DNAJC10: variants seen among roughly 807,000 people sequenced by gnomAD.
DNAJC10 encodes the protein endoplasmic reticulum disulfide reductase DNAJC10.
DNAJC10 carries 101 observed loss-of-function variants against 115.0 expected under a neutral mutation model. The observed-to-expected ratio is 0.88, with a 90% CI of 0.75 to 1.04. The LOEUF (loss-of-function observed/expected upper bound fraction) is 1.04, where lower values mean the gene tolerates loss of function less well. Among genes scored for constraint, DNAJC10 ranks in the 50% least tolerant of loss-of-function variants. The probability of loss-of-function intolerance (pLI) is 0.00; values close to 1 mark genes in which losing one functional copy is unlikely to be tolerated. For missense variants in DNAJC10, 981 were observed against 928.8 expected (o/e 1.06, Z -0.73); for synonymous variants, 307 against 301.5 (o/e 1.02, Z -0.19).
chr2:182,730,972 T>G (rs1443608213), intron 8 of DNAJC10, 58 bp from the exon 9 acceptor site: 3 of 1,163,122 alleles, frequency 2.6e-6, no homozygotes, highest in African/African-American at 3.1e-5. Context: ...GAAGACTGTT[T>G]CCATTAGTAA....
rs543765765 is a variant in DNAJC10 at position 182,781,359 on chromosome 2, A to G, written c.*4227A>G. The stretch of plus-strand genomic sequence containing the variant: ...TTGTGCCCGTTTCTTTATCCAGTCT[A>G]ACATTGATGGGCATTTTGGTTGGTT... On this transcript the variant is annotated 3_prime_UTR_variant, in exon 24 of 24. Coordinates refer to ENST00000264065, the MANE Select transcript of DNAJC10 (RefSeq NM_018981.4). 6 of 152,282 alleles carry G rather than the reference A, an allele frequency of 3.9e-5. No homozygotes were observed. Among genetic ancestry groups the G allele is most frequent in the African/African-American group, 1.4e-4 (6 of 41,548 alleles). 9.4% of individuals were successfully genotyped at this position (152,282 alleles called of 1,614,324 possible). A position where few individuals can be genotyped will look rare whatever the true frequency, so the allele number is the denominator to read the frequency against.
At chr2:182,743,078 C>G (rs529382250) in intron 13 of DNAJC10, among the ~76,000 whole-genome samples, 6 of 152,196 alleles carry the variant, frequency 3.9e-5, no homozygotes, top group Middle Eastern at 3.4e-3. Flanking sequence ...AACTCCTGAC[C>G]TCAGGCAATT....
At chr2:182,742,976 A>G in intron 13 of DNAJC10, among the ~76,000 whole-genome samples, 1 of 151,850 alleles carries the variant, frequency 6.6e-6, no homozygotes, top group East Asian at 1.9e-4. Context: ...CCTCCCAAGT[A>G]GCTGGGACTA....
At chr2:182,739,512 A>G (rs1693677851) in intron 11 of DNAJC10, 2 of 1,190,416 alleles carry the variant, frequency 1.7e-6, no homozygotes, top group African/African-American at 1.6e-5. Flanking sequence ...CATTTTCTTG[A>G]TGTAACCATT....
chr2:182,776,787 G>A (rs1226255419), intron 23 of DNAJC10, among the ~76,000 whole-genome samples: 1 of 152,070 alleles, frequency 6.6e-6, no homozygotes, highest in African/African-American at 2.4e-5. Flanking sequence ...TTTGAAAGGT[G>A]TAACTTTTAT....
At chr2:182,771,969 T>A (rs1574958973) in intron 22 of DNAJC10, among the ~76,000 whole-genome samples, 1 of 152,344 alleles carries the variant, frequency 6.6e-6, no homozygotes, top group African/African-American at 2.4e-5. Context: ...TGCTATAAAT[T>A]TCCCTCTAAA....
At chr2:182,771,444 A>C (rs1694561293) in intron 22 of DNAJC10, among the ~76,000 whole-genome samples, 1 of 152,080 alleles carries the variant, frequency 6.6e-6, no homozygotes, top group Non-Finnish European at 1.5e-5. Context: ...TCAGCTGTGA[A>C]TCCTTCTGGT....
chr2:182,781,135 C>G lies in DNAJC10; in HGVS notation c.*4003C>G, dbSNP rs1354909036. The G allele has an allele frequency of 6.6e-6, 1 of 152,048 alleles. No homozygotes were observed. The highest frequency in any genetic ancestry group is 1.5e-5 in the Non-Finnish European group (1 of 68,038). The allele number at this position is 152,048 out of a possible 1,614,324, so 9.4% of individuals were successfully genotyped here. The stretch of plus-strand genomic sequence containing the variant: ...TTCCCCTTGCCCCCTACCCCGCCGA[C>G]AGGCCCCATTGTTGATGTTCCCCTC... On this transcript the variant is annotated 3_prime_UTR_variant, in exon 24 of 24. Transcript: ENST00000264065.
rs1021697105 is a variant in DNAJC10 at position 182,716,283 on chromosome 2, T to A, written c.-404T>A. On this transcript the variant is annotated 5_prime_UTR_variant, in exon 1 of 24. Coordinates refer to ENST00000264065, the MANE Select transcript of DNAJC10 (RefSeq NM_018981.4). ...CCGGCTCGCCGTGGAGACCGGCGCG[T>A]GAGGAACCTACCGGTACCGGCCGCG... is the stretch of plus-strand genomic sequence containing the variant. The A allele has an allele frequency of 2.6e-5, 4 of 152,316 alleles. No homozygotes were observed. The highest frequency in any genetic ancestry group is 5.9e-5 in the Non-Finnish European group (4 of 68,188). 9.4% of individuals were successfully genotyped at this position (152,316 alleles called of 1,614,324 possible).
chr2:182,732,609 A>G, intron 10 of DNAJC10, 67 bp downstream of exon 10: 1 of 1,464,744 alleles, frequency 6.8e-7, no homozygotes, highest in Non-Finnish European at 9.5e-7. Context: ...ATTGATTTGA[A>G]ACATTTTCTT....
rs1693043089 is a variant in DNAJC10 at position 182,718,105 on chromosome 2, A to G, written c.19A>G (p.Lys7Glu). The G allele has an allele frequency of 6.2e-7, 1 of 1,604,656 alleles. No homozygotes were observed. The highest frequency in any genetic ancestry group is 1.3e-5 in the African/African-American group (1 of 74,674). Residue 7 changes from lysine (K) to glutamate (E), a missense_variant, in exon 3 of 24, where the codon AAA (lysine) becomes GAA (glutamate). Lys to Glu is a moderately conservative substitution (Grantham distance 56). Transcript: ENST00000264065. MGVWLN[K>E]DDYIRDLKRI... ...AAAGAGAATGGGAGTCTGGTTAAAT[A>G]AAGATGACTATATCAGAGACTTGAA...
chr2:182,742,819 G>T (rs1364526196), intron 13 of DNAJC10, among the ~76,000 whole-genome samples: 1 of 151,380 alleles, frequency 6.6e-6, no homozygotes, highest in Non-Finnish European at 1.5e-5. Context: ...TTTCTGATGG[G>T]ATGTTTGTCC....
chr2:182,725,876 CT>C (rs1233894579), intron 5 of DNAJC10, among the ~76,000 whole-genome samples: 9 of 152,018 alleles, frequency 5.9e-5, no homozygotes, highest in Admixed American at 3.9e-4. Flanking sequence ...CTATCTGGGA[CT>C]TTTTTTTCAT....
chr2:182,748,206 C>G (rs1369315434), intron 14 of DNAJC10, among the ~76,000 whole-genome samples: 3 of 151,164 alleles, frequency 2.0e-5, no homozygotes, highest in African/African-American at 7.3e-5. Flanking sequence ...TTGGTTGTGT[C>G]TCTGCCCAGC....
chr2:182,775,650 G>T (rs566439420), intron 23 of DNAJC10, among the ~76,000 whole-genome samples: 2 of 152,094 alleles, frequency 1.3e-5, no homozygotes, highest in African/African-American at 4.8e-5. Context: ...TAGTGACTGT[G>T]GTCCATGCAA....
chr2:182,752,275 T>A lies in DNAJC10; in HGVS notation c.1551+87T>A, dbSNP rs184586969. On this transcript the variant is annotated intron_variant, in intron 16 of 23. Coordinates refer to ENST00000264065, the MANE Select transcript of DNAJC10 (RefSeq NM_018981.4). ...TTATTATTAAAACATTAAAATAACT[T>A]AGAAATAATACATCTTCTATTTAGA... 1.5e-5 allele frequency: 9 copies of A among 591,124 alleles called. No individual in the cohort carries two copies. In the Admixed American group the frequency reaches 2.9e-4, roughly 19 times the overall value. 36.6% of individuals were successfully genotyped at this position (591,124 alleles called of 1,614,324 possible).
In DNAJC10 at chr2:182,741,446, T is replaced by C. The variant is rs1235830207; in HGVS notation, c.1191+90T>C. 6.6e-6 allele frequency: 4 copies of C among 606,522 alleles called. No individual in the cohort carries two copies. In the African/African-American group the frequency reaches 7.8e-5, roughly 12 times the overall value. 37.6% of individuals were successfully genotyped at this position (606,522 alleles called of 1,614,324 possible). A position where few individuals can be genotyped will look rare whatever the true frequency, so the allele number is the denominator to read the frequency against. On this transcript the variant is annotated intron_variant, in intron 13 of 23. Transcript: ENST00000264065. ...ATTAAATTTTAAATAACATAAAAAC[T>C]CTTATTTGAAATTATAAGAAGCCTA...
intron 4 of DNAJC10, 125 bp downstream of exon 4, chr2:182,720,294 G>A (rs1693117846): frequency 2.1e-5 from 16 of 764,992 alleles, no homozygotes; most frequent in Middle Eastern, 3.8e-4. Context: ...TTAATTTGCT[G>A]TGGGAGTGAA....
chr2:182,766,216 T>G lies in DNAJC10; in HGVS notation c.2265+3415T>G, dbSNP rs188916520. 7.2e-3 allele frequency among the ~76,000 whole-genome samples: 1,102 copies of G among 152,278 alleles called. 5 individuals carry two copies. Among genetic ancestry groups the G allele is most frequent in the South Asian group, 0.032 (153 of 4,828 alleles). On this transcript the variant is annotated intron_variant, in intron 22 of 23. Coordinates refer to ENST00000264065, the MANE Select transcript of DNAJC10 (RefSeq NM_018981.4). ...CCAGGCGTTCTGATGAAAAAAATCA[T>G]GATCAGCTGGACTCGCAAAAAAGCA...
Sources: allele counts gnomAD v4.1 joint callset (sites outside exome capture counted in the v4.1 genomes callset), GRCh38; gene constraint gnomAD v4.1.1; transcripts MANE v1.5; gene names NCBI Gene and HGNC (gene_info 2026-07-23, HGNC 2026-07-21).